Variants in TMEFF2 observed in about 807,000 individuals in gnomAD.
TMEFF2 encodes tomoregulin-2.
Under a neutral mutation model 53.8 loss-of-function variants are expected in TMEFF2, and 28 were observed. The observed-to-expected ratio is 0.52, with a 90% CI of 0.39 to 0.71. The LOEUF is 0.71. TMEFF2 is among the 30% of genes least tolerant of loss of function. The pLI is 0.00. For missense variants in TMEFF2, 353 were observed against 455.2 expected (o/e 0.78, Z 2.04); for synonymous variants, 162 against 166.3 (o/e 0.97, Z 0.20).
chr2:192,027,300 G>T (rs1686993699), intron 5 of TMEFF2, among the ~76,000 whole-genome samples: 1 of 152,146 alleles, frequency 6.6e-6, no homozygotes, highest in Non-Finnish European at 1.5e-5. Flanking sequence ...AAGTTCCACT[G>T]CATCATTAAT....
chr2:192,087,181 A>C (rs1688686931), intron 4 of TMEFF2, among the ~76,000 whole-genome samples: 2 of 152,204 alleles, frequency 1.3e-5, no homozygotes, highest in Admixed American at 6.6e-5. Context: ...CTGTTCATTC[A>C]GAAAAACGAT....
intron 4 of TMEFF2, among the ~76,000 whole-genome samples, chr2:192,088,299 G>A (rs1688712254): frequency 6.6e-6 from 1 of 152,116 alleles, no homozygotes; most frequent in African/African-American, 2.4e-5. Context: ...GGGAAAGGGA[G>A]TCTCACACTG....
chr2:192,149,517 A>G (rs1690335666), intron 4 of TMEFF2, among the ~76,000 whole-genome samples: 1 of 151,964 alleles, frequency 6.6e-6, no homozygotes, highest in Non-Finnish European at 1.5e-5. Context: ...GATTTTTAAT[A>G]TTTGAAGCAA....
At chr2:192,177,685 T>C (rs1691079010) in intron 4 of TMEFF2, 2 of 151,022 alleles carry the variant, frequency 1.3e-5, no homozygotes, top group East Asian at 2.0e-4. Context: ...GGAAGAGTGA[T>C]TAAAAAACAG....
intron 7 of TMEFF2, among the ~76,000 whole-genome samples, chr2:191,966,799 A>C (rs1692484865): frequency 6.6e-6 from 1 of 152,222 alleles, no homozygotes; most frequent in Non-Finnish European, 1.5e-5. Flanking sequence ...CACAATTAGC[A>C]GCACAGATAT....
chr2:192,052,432 T>A (rs1687794307), intron 5 of TMEFF2, among the ~76,000 whole-genome samples: 1 of 152,190 alleles, frequency 6.6e-6, no homozygotes, highest in Non-Finnish European at 1.5e-5. Flanking sequence ...AAGGAATAGT[T>A]CCCAGAGAAA....
chr2:192,183,435 T>C (rs187878818), intron 3 of TMEFF2, among the ~76,000 whole-genome samples: 24 of 152,224 alleles, frequency 1.6e-4, no homozygotes, highest in Admixed American at 5.2e-4. Flanking sequence ...AATAGACTTT[T>C]CATGACACTA....
rs1164355391 is a variant in TMEFF2 at position 192,083,352 on chromosome 2, T to C, written c.440-25577A>G. ...CTAAACTCAGTGTATCAAGGAACAA[T>C]TCTACTTGTCATATGTGGTTTCAGG... is the stretch of plus-strand genomic sequence containing the variant. On this transcript the variant is annotated intron_variant, in intron 4 of 9. Transcript: ENST00000272771. Among the ~76,000 whole-genome samples, 7 of 152,120 alleles carry C rather than the reference T, an allele frequency of 4.6e-5. No homozygotes were observed. The South Asian group carries it at 1.5e-3, about 32-fold the overall frequency.
intron 4 of TMEFF2, among the ~76,000 whole-genome samples, chr2:192,142,796 T>C (rs973574088): frequency 1.3e-5 from 2 of 152,172 alleles, no homozygotes; most frequent in African/African-American, 4.8e-5. Flanking sequence ...TTCATATTCA[T>C]ACACCTGTGA....
chr2:192,158,147 A>G (rs1690549357), intron 4 of TMEFF2, among the ~76,000 whole-genome samples: 1 of 152,122 alleles, frequency 6.6e-6, no homozygotes, highest in Non-Finnish European at 1.5e-5. Context: ...TGTGAATTTC[A>G]CAATAATGTA....
At chr2:192,187,700 T>G (rs1691349032) in intron 2 of TMEFF2, among the ~76,000 whole-genome samples, 1 of 152,222 alleles carries the variant, frequency 6.6e-6, no homozygotes, top group Non-Finnish European at 1.5e-5. Context: ...GTGATTCTAT[T>G]TTTCTATGTT....
chr2:192,143,760 G>T (rs1253778688), intron 4 of TMEFF2, among the ~76,000 whole-genome samples: 1 of 152,028 alleles, frequency 6.6e-6, no homozygotes, highest in Non-Finnish European at 1.5e-5. Context: ...AGTAGCAGAG[G>T]CACCTTCCTG....
intron 5 of TMEFF2, chr2:192,030,556 C>T (rs902369020): frequency 1.3e-5 from 2 of 151,990 alleles, no homozygotes; most frequent in African/African-American, 4.8e-5. Flanking sequence ...AGTTGCCCAA[C>T]CTCTTTTATT....
intron 4 of TMEFF2, among the ~76,000 whole-genome samples, chr2:192,175,384 T>C (rs1342959476): frequency 6.6e-6 from 1 of 151,642 alleles, no homozygotes; most frequent in Non-Finnish European, 1.5e-5. Flanking sequence ...GAAGCAAATG[T>C]CTTAATTATG....
intron 4 of TMEFF2, among the ~76,000 whole-genome samples, chr2:192,130,786 G>A (rs1213731572): frequency 6.6e-6 from 1 of 151,972 alleles, no homozygotes; most frequent in Non-Finnish European, 1.5e-5. Flanking sequence ...CACAAAGTCT[G>A]TTTGGTGGTC....
At chr2:192,010,018 A>G (rs554044099) in intron 5 of TMEFF2, among the ~76,000 whole-genome samples, 2 of 152,222 alleles carry the variant, frequency 1.3e-5, no homozygotes, top group Non-Finnish European at 1.5e-5. Context: ...ACAAACTTTG[A>G]AAAAGAAATA....
intron 4 of TMEFF2, among the ~76,000 whole-genome samples, chr2:192,067,528 A>G (rs914646408): frequency 5.3e-5 from 8 of 151,834 alleles, no homozygotes; most frequent in Non-Finnish European, 1.2e-4. Context: ...ATAAAGGAAG[A>G]CCTAAGTCTT....
intron 7 of TMEFF2, among the ~76,000 whole-genome samples, chr2:191,972,515 G>C (rs1559067339): frequency 6.6e-6 from 1 of 151,612 alleles, no homozygotes; most frequent in Non-Finnish European, 1.5e-5. Flanking sequence ...ACATCTGTCT[G>C]TTACTAAAAA....
chr2:192,064,593 T>C (rs1688125631), intron 4 of TMEFF2, among the ~76,000 whole-genome samples: 1 of 151,856 alleles, frequency 6.6e-6, no homozygotes, highest in African/African-American at 2.4e-5. Flanking sequence ...ATTGTATCAT[T>C]TCCCCCCATT....
Sources: allele counts gnomAD v4.1 joint callset (sites outside exome capture counted in the v4.1 genomes callset), GRCh38; gene constraint gnomAD v4.1.1; transcripts MANE v1.5; gene names NCBI Gene and HGNC (gene_info 2026-07-23, HGNC 2026-07-21).